The following CLSTN2 variants were observed in gnomAD, a reference collection of about 807,000 sequenced individuals.
CLSTN2 encodes calsyntenin-2.
CLSTN2 carries 48 observed loss-of-function variants against 101.2 expected under a neutral mutation model. The observed-to-expected ratio is 0.47, with a 90% CI of 0.38 to 0.60. The LOEUF (loss-of-function observed/expected upper bound fraction) is 0.60. Among genes scored for constraint, CLSTN2 ranks in the 20% least tolerant of loss-of-function variants. CLSTN2 has a pLI of 0.00. For synonymous variants in CLSTN2, 481 were observed against 463.6 expected, an observed-to-expected ratio of 1.04 and a Z score of -0.48; for missense variants, 1,160 against 1,238.2, an observed-to-expected ratio of 0.94 and a Z score of 0.95.
At chr3:140,114,979 T>A (rs2009217006) in intron 1 of CLSTN2, among the ~76,000 whole-genome samples, 1 of 152,206 alleles carries the variant, frequency 6.6e-6, no homozygotes. Flanking sequence ...CCTCGACTTT[T>A]GCCAGCTCTC....
intron 2 of CLSTN2, among the ~76,000 whole-genome samples, chr3:140,221,470 G>A (rs372779705): frequency 2.0e-5 from 3 of 152,048 alleles, no homozygotes; most frequent in African/African-American, 7.2e-5. Context: ...TTTGGATAAT[G>A]AAATGTAGAC....
intron 5 of CLSTN2, among the ~76,000 whole-genome samples, chr3:140,440,126 T>C (rs2088743785): frequency 6.6e-6 from 1 of 152,050 alleles, no homozygotes. Flanking sequence ...CCAATACCAA[T>C]AAGGGCTCCT....
chr3:140,201,653 C>T (rs1294731513), intron 2 of CLSTN2, among the ~76,000 whole-genome samples: 2 of 152,120 alleles, frequency 1.3e-5, no homozygotes, highest in Non-Finnish European at 2.9e-5. Flanking sequence ...TAAGCACCTA[C>T]TGTGTGCTAA....
At chr3:140,363,139 C>G (rs1486825124) in intron 2 of CLSTN2, among the ~76,000 whole-genome samples, 2 of 151,828 alleles carry the variant, frequency 1.3e-5, no homozygotes, top group Admixed American at 6.6e-5. Context: ...GAATATTATT[C>G]AACAATAAAA....
At chr3:140,181,826 C>T (rs1027969501) in intron 2 of CLSTN2, among the ~76,000 whole-genome samples, 1 of 152,184 alleles carries the variant, frequency 6.6e-6, no homozygotes, top group Non-Finnish European at 1.5e-5. Flanking sequence ...ATTTCAAATA[C>T]TGTTCAAGCT....
intron 8 of CLSTN2, among the ~76,000 whole-genome samples, chr3:140,472,002 G>A (rs1341239326): frequency 2.0e-5 from 3 of 152,182 alleles, no homozygotes; most frequent in Non-Finnish European, 4.4e-5. Context: ...ATGTGTCTGA[G>A]AAGTTTGGAT....
intron 1 of CLSTN2, among the ~76,000 whole-genome samples, chr3:140,022,011 T>C (rs1576399815): frequency 1.3e-5 from 2 of 152,134 alleles, no homozygotes; most frequent in Admixed American, 6.5e-5. Flanking sequence ...CCTGGAAAGA[T>C]GCTGAAGGCC....
At chr3:140,463,569 T>C in intron 7 of CLSTN2, among the ~76,000 whole-genome samples, 1 of 152,206 alleles carries the variant, frequency 6.6e-6, no homozygotes, top group Non-Finnish European at 1.5e-5. Context: ...TTAAGTCTGC[T>C]CCAGGCTGGT....
chr3:140,175,926 T>C (rs2010316202), intron 1 of CLSTN2, 25 bp from the exon 2 acceptor site: 2 of 1,601,142 alleles, frequency 1.2e-6, no homozygotes, highest in African/African-American at 1.3e-5. Flanking sequence ...ATGATCCTTT[T>C]TGTTTTTTCC....
intron 1 of CLSTN2, among the ~76,000 whole-genome samples, chr3:140,160,707 C>T (rs1215431286): frequency 6.6e-6 from 1 of 151,890 alleles, no homozygotes; most frequent in Non-Finnish European, 1.5e-5. Context: ...TTCTCTTGGT[C>T]AACCAAAAGT....
chr3:140,319,828 T>C (rs1461451522), intron 2 of CLSTN2, among the ~76,000 whole-genome samples: 1 of 152,264 alleles, frequency 6.6e-6, no homozygotes, highest in Non-Finnish European at 1.5e-5. Flanking sequence ...TTTTGAAACA[T>C]GCCCCAGGCA....
chr3:140,357,007 G>A (rs1337546747), intron 2 of CLSTN2, among the ~76,000 whole-genome samples: 1 of 152,046 alleles, frequency 6.6e-6, no homozygotes, highest in Non-Finnish European at 1.5e-5. Flanking sequence ...AGCAGCCCTG[G>A]GCCACAGGGA....
At chr3:139,948,190 C>T (rs1275378626) in intron 1 of CLSTN2, among the ~76,000 whole-genome samples, 1 of 152,034 alleles carries the variant, frequency 6.6e-6, no homozygotes, top group African/African-American at 2.4e-5. Context: ...TTTGGCTGCT[C>T]CCTGGAAGCC....
At chr3:140,474,560 T>C (rs10513115) in intron 8 of CLSTN2, among the ~76,000 whole-genome samples, 14,202 of 152,284 alleles carry the variant, frequency 0.093, 739 homozygotes, top group East Asian at 0.12. Context: ...CCTCTGTGCT[T>C]GGTTCTGTAA....
intron 2 of CLSTN2, among the ~76,000 whole-genome samples, chr3:140,259,276 C>G (rs138154452): frequency 0.032 from 4,916 of 151,844 alleles, 115 homozygotes; most frequent in Middle Eastern, 0.11. Flanking sequence ...GGGTTCGAGA[C>G]CAGCCTGGCC....
intron 2 of CLSTN2, among the ~76,000 whole-genome samples, chr3:140,347,503 A>C (rs1314745737): frequency 6.6e-6 from 1 of 152,262 alleles, no homozygotes; most frequent in Non-Finnish European, 1.5e-5. Context: ...GGCAAATTCA[A>C]TAAAACACAA....
intron 2 of CLSTN2, among the ~76,000 whole-genome samples, chr3:140,245,702 A>G (rs1186709396): frequency 6.6e-6 from 1 of 152,300 alleles, no homozygotes; most frequent in East Asian, 1.9e-4. Context: ...GGAGTTGAGA[A>G]TGTCCTAGAT....
intron 1 of CLSTN2, among the ~76,000 whole-genome samples, chr3:140,020,585 G>A (rs2007293222): frequency 1.3e-5 from 2 of 152,152 alleles, no homozygotes; most frequent in African/African-American, 2.4e-5. Flanking sequence ...CAGCAGTTCT[G>A]TCCTCATGCG....
At chr3:140,339,948 G>A (rs558812964) in intron 2 of CLSTN2, among the ~76,000 whole-genome samples, 13 of 152,288 alleles carry the variant, frequency 8.5e-5, no homozygotes, top group South Asian at 8.3e-4. Context: ...CACACTAAGT[G>A]TTATTTGGAT....
Sources: gnomAD v4.1 joint callset for allele counts (sites outside exome capture counted in the v4.1 genomes callset) on GRCh38, gnomAD v4.1.1 for gene constraint, MANE v1.5 for transcripts, NCBI Gene and HGNC (gene_info 2026-07-23, HGNC 2026-07-21) for gene names.